RNF122: variants seen among roughly 807,000 people sequenced by gnomAD.
RNF122 encodes ring finger protein 122.
RNF122 carries 17 observed loss-of-function variants against 24.2 expected under a neutral mutation model. The ratio of observed to expected loss-of-function variants is 0.70; its 90% CI spans 0.48 to 1.06. The LOEUF (loss-of-function observed/expected upper bound fraction) is 1.06, where lower values mean the gene tolerates loss of function less well. Among genes scored for constraint, RNF122 ranks in the 50% least tolerant of loss-of-function variants. The probability of loss-of-function intolerance (pLI) is 0.00; values close to 1 mark genes in which losing one functional copy is unlikely to be tolerated. For synonymous variants in RNF122, 65 were observed against 71.8 expected (o/e 0.91, Z 0.48); for missense variants, 168 against 198.1 (o/e 0.85, Z 0.91).
At chr8:33,555,007 A>G (rs1042209480) in intron 2 of RNF122, among the ~76,000 whole-genome samples, 1 of 152,098 alleles carries the variant, frequency 6.6e-6, no homozygotes, top group Admixed American at 6.6e-5. Flanking sequence ...ATAGACATTC[A>G]CAGGCTACCA....
At chr8:33,565,861 G>A (rs1056458627) in intron 1 of RNF122, among the ~76,000 whole-genome samples, 6 of 152,016 alleles carry the variant, frequency 3.9e-5, no homozygotes, top group African/African-American at 1.2e-4. Flanking sequence ...TCAGGAAAAC[G>A]GCTTTTTTTT....
At chr8:33,559,613 A>G (rs11987828) in intron 1 of RNF122, among the ~76,000 whole-genome samples, 8,218 of 152,250 alleles carry the variant, frequency 0.054, 706 homozygotes, top group African/African-American at 0.18. Context: ...AAGACAAGCC[A>G]TGCCAGGACT....
intron 2 of RNF122, among the ~76,000 whole-genome samples, chr8:33,551,923 A>T (rs1810382091): frequency 6.6e-6 from 1 of 152,104 alleles, no homozygotes; most frequent in Non-Finnish European, 1.5e-5. Flanking sequence ...TCTTCTTTTC[A>T]TTTTAAGCTG....
At position 33,566,788 on chromosome 8, in the gene RNF122, G is replaced by A; in HGVS notation, c.-65C>T. 6.4e-7 allele frequency: 1 copy of A among 1,564,064 alleles called. No individual in the cohort carries two copies. Among genetic ancestry groups the A allele is most frequent in the Non-Finnish European group, 8.7e-7 (1 of 1,151,964 alleles). On this transcript the variant is annotated 5_prime_UTR_variant, in exon 1 of 6. Coordinates refer to ENST00000256257, the MANE Select transcript of RNF122 (RefSeq NM_024787.3). ...AGGCGGGGTGCCAGGAGGGCGGGGT[G>A]GGAGCACTAGCGGCGTGAGGGGCCG...
At chr8:33,564,402 TAATTA>T (rs1417920884) in intron 1 of RNF122, among the ~76,000 whole-genome samples, 2 of 152,152 alleles carry the variant, frequency 1.3e-5, no homozygotes, top group African/African-American at 4.8e-5. Context: ...ATTAATTAAT[TAATTA>T]ATTAAAAATT....
chr8:33,549,087 G>A (rs373923069), intron 5 of RNF122, among the ~76,000 whole-genome samples: 13 of 152,064 alleles, frequency 8.5e-5, no homozygotes, highest in Admixed American at 6.6e-4. Context: ...CAGGCATGGC[G>A]GTGGACACCT....
At chr8:33,548,908 C>A (rs2128837836) in intron 5 of RNF122, 41 bp from the exon 6 acceptor site, 1 of 1,317,014 alleles carries the variant, frequency 7.6e-7, no homozygotes, top group East Asian at 2.3e-5. Context: ...ACCAGACAGA[C>A]CACGCTGCTC....
At chr8:33,551,605 G>A (rs1170833486) in intron 2 of RNF122, among the ~76,000 whole-genome samples, 1 of 152,058 alleles carries the variant, frequency 6.6e-6, no homozygotes, top group African/African-American at 2.4e-5. Context: ...TTCACCACCA[G>A]GTCTCATACA....
chr8:33,566,939 G>T lies in RNF122; in HGVS notation c.-216C>A. The T allele has an allele frequency of 1.7e-6, 1 of 589,090 alleles. No homozygotes were observed. Among genetic ancestry groups the T allele is most frequent in the Non-Finnish European group, 3.0e-6 (1 of 328,262 alleles). 36.5% of individuals were successfully genotyped at this position (589,090 alleles called of 1,614,324 possible). On this transcript the variant is annotated 5_prime_UTR_variant, in exon 1 of 6. Coordinates refer to ENST00000256257, the MANE Select transcript of RNF122 (RefSeq NM_024787.3). ...GAGGGACGAGGAGGAAACAAACAAA[G>T]TCCCGCGGAGCACAGCCGCACGGAG... is the stretch of plus-strand genomic sequence containing the variant.
Position 33,551,364 on chromosome 8 carries a change from C to T in RNF122, c.208G>A (p.Glu70Lys), listed in dbSNP as rs1187595782. 2 of 1,613,964 alleles carry T rather than the reference C, an allele frequency of 1.2e-6. No homozygotes were observed. The highest frequency in any genetic ancestry group is 1.7e-5 in the Admixed American group (1 of 59,982). The change falls in exon 3 of 6, where the codon GAG (glutamate) becomes AAG (lysine). Residue 70 changes from glutamate (E) to lysine (K), a missense_variant. Coordinates refer to ENST00000256257, the MANE Select transcript of RNF122 (RefSeq NM_024787.3). ...ISKLRNQAQSERYGYKEVVLK... is the reference protein window; with the variant it reads ...ISKLRNQAQSKRYGYKEVVLK... ...TTTACCTCCTTATATCCGTATCGCT[C>T]ACTCTGTGCCTGGTTCCGCAGTTTG...
chr8:33,558,470 G>T, intron 2 of RNF122, 145 bp downstream of exon 2: 3 of 536,974 alleles, frequency 5.6e-6, no homozygotes, highest in Non-Finnish European at 9.3e-6. Context: ...GCCTAGAGAA[G>T]GGCAGGCTCA....
intron 1 of RNF122, among the ~76,000 whole-genome samples, chr8:33,559,510 A>G (rs1244350987): frequency 6.6e-6 from 1 of 152,146 alleles, no homozygotes; most frequent in Admixed American, 6.6e-5. Context: ...AAATAGAGAG[A>G]GGAATGAAAA....
In RNF122 at chr8:33,566,757, G is replaced by T; in HGVS notation, c.-34C>A. ...TCGCGGTTGGCTTCCTCGGGCGAAC[G>T]GACGCAGGCGGGGTGCCAGGAGGGC... On this transcript the variant is annotated 5_prime_UTR_variant, in exon 1 of 6. Coordinates refer to ENST00000256257, the MANE Select transcript of RNF122 (RefSeq NM_024787.3). The T allele has an allele frequency of 6.3e-7, 1 of 1,596,254 alleles. No individual in the cohort carries two copies. The highest frequency in any genetic ancestry group is 8.5e-7 in the Non-Finnish European group (1 of 1,172,544).
chr8:33,553,076 A>AC (rs111482830), intron 2 of RNF122, among the ~76,000 whole-genome samples: 104 of 150,952 alleles, frequency 6.9e-4, no homozygotes, highest in African/African-American at 2.5e-3. Context: ...GTCTCAAAAA[A>AC]AAAAAAAAAA....
chr8:33,555,617 T>C (rs1293199475), intron 2 of RNF122, among the ~76,000 whole-genome samples: 1 of 152,208 alleles, frequency 6.6e-6, no homozygotes, highest in Non-Finnish European at 1.5e-5. Context: ...GTGGAGCCTA[T>C]AGCGGCTCCT....
At position 33,565,885 on chromosome 8, in the gene RNF122, C is replaced by A. The variant is rs59553113; in HGVS notation, c.25+814G>T. Among the ~76,000 whole-genome samples, 1,318 of 152,310 alleles carry A rather than the reference C, an allele frequency of 8.7e-3. 24 individuals carry two copies. Among genetic ancestry groups the A allele is most frequent in the African/African-American group, 0.029 (1,226 of 41,572 alleles). ...CGGCTTTTTTTTAGATGGAGTTTCG[C>A]TCTTGTTGCCCAGGCTGGAGTGTAA... On this transcript the variant is annotated intron_variant, in intron 1 of 5. Coordinates refer to ENST00000256257, the MANE Select transcript of RNF122 (RefSeq NM_024787.3).
At chr8:33,562,071 T>C (rs546740704) in intron 1 of RNF122, among the ~76,000 whole-genome samples, 1 of 152,280 alleles carries the variant, frequency 6.6e-6, no homozygotes, top group South Asian at 2.1e-4. Context: ...CTGAGGCCCA[T>C]CAAGCCTGTG....
chr8:33,562,545 A>C (rs1450176257), intron 1 of RNF122, among the ~76,000 whole-genome samples: 2 of 151,452 alleles, frequency 1.3e-5, no homozygotes, highest in Non-Finnish European at 2.9e-5. Flanking sequence ...TCTCAAAAAA[A>C]AAAAAGAAAA....
chr8:33,556,448 T>C (rs1464613033), intron 2 of RNF122, among the ~76,000 whole-genome samples: 2 of 152,122 alleles, frequency 1.3e-5, no homozygotes, highest in Non-Finnish European at 2.9e-5. Flanking sequence ...CCGCTTGGCA[T>C]GTGTATGCTT....
Sources: allele counts gnomAD v4.1 joint callset (sites outside exome capture counted in the v4.1 genomes callset), GRCh38; gene constraint gnomAD v4.1.1; transcripts MANE v1.5; gene names NCBI Gene and HGNC (gene_info 2026-07-23, HGNC 2026-07-21).